Variants in BCOR observed in about 807,000 individuals in gnomAD.
BCOR encodes the protein BCL-6 corepressor.
A neutral mutation model predicts 86.7 loss-of-function variants in BCOR; 10 were observed. That is an observed-to-expected ratio of 0.12 (90% CI 0.07 to 0.20). BCOR has a LOEUF of 0.20. BCOR is among the 10% of genes least tolerant of loss of function. The pLI is 1.00. For synonymous variants in BCOR, 611 were observed against 609.0 expected, an observed-to-expected ratio of 1.00 and a Z score of -0.05; for missense variants, 1,259 against 1,452.1, an observed-to-expected ratio of 0.87 and a Z score of 2.16.
intron 1 of BCOR, among the ~76,000 whole-genome samples, chrX:40,089,643 C>G (rs1936510752): frequency 9.0e-6 from 1 of 111,508 alleles, no homozygotes; most frequent in South Asian, 3.8e-4. Flanking sequence ...CCTCCCCTTT[C>G]CCTTCCTCCA....
intron 1 of BCOR, among the ~76,000 whole-genome samples, chrX:40,132,179 A>G (rs937583248): frequency 8.9e-5 from 10 of 111,910 alleles, no homozygotes; most frequent in African/African-American, 3.3e-4. Flanking sequence ...TTGCTACAGG[A>G]GTGTGCCATC....
chrX:40,153,536 G>A, intron 1 of BCOR, among the ~76,000 whole-genome samples: 1 of 111,831 alleles, frequency 8.9e-6, no homozygotes, highest in South Asian at 3.7e-4. Context: ...GGAAGGGGAG[G>A]GCACCCAGAC....
chrX:40,064,314 G>T (rs766725549), intron 7 of BCOR, 22 bp downstream of exon 7: 1 of 1,211,998 alleles, frequency 8.3e-7, no homozygotes, highest in African/African-American at 1.7e-5. Flanking sequence ...CCCGGCAGGC[G>T]GGCGAAGCAG....
At chrX:40,175,648 T>C (rs1470428988) in intron 1 of BCOR, among the ~76,000 whole-genome samples, 1 of 112,344 alleles carries the variant, frequency 8.9e-6, no homozygotes, top group Non-Finnish European at 1.9e-5. Flanking sequence ...CGTCCTAGAC[T>C]CCGCGCAGCA....
rs2147238250 is a variant in BCOR, at chrX:40,073,708, G to T, written c.1638C>A (p.Arg546=). 8.2e-7 allele frequency: 1 copy of T among 1,212,681 alleles called. No individual in the cohort carries two copies. Among genetic ancestry groups the T allele is most frequent in the Non-Finnish European group, 1.1e-6 (1 of 895,706 alleles). ...IPQQRSSSCP[R]MGGTDAVITN... ...TGATGACAGCATCGGTGCCGCCCAT[G>T]CGCGGGCATGATGAACTCCGCTGCT... The change falls in exon 4 of 15, where the codon CGC becomes CGA. Residue 546 remains arginine, a synonymous_variant. Transcript: ENST00000378444.
At chrX:40,064,207 C>G in intron 7 of BCOR, 129 bp downstream of exon 7, 5 of 1,013,128 alleles carry the variant, frequency 4.9e-6, no homozygotes, top group Admixed American at 2.3e-5. Flanking sequence ...CTGCTGCGCC[C>G]CCACGGCTTC....
chrX:40,152,792 A>T (rs1481004475), intron 1 of BCOR, among the ~76,000 whole-genome samples: 1 of 112,751 alleles, frequency 8.9e-6, no homozygotes. Context: ...CAAGGGAAGC[A>T]TTAGGCGGCT....
chrX:40,121,081 A>G (rs768490792), intron 1 of BCOR, among the ~76,000 whole-genome samples: 15 of 111,053 alleles, frequency 1.4e-4, no homozygotes, highest in Non-Finnish European at 2.3e-4. Context: ...CAGATTGCAA[A>G]AGAGGAAGAA....
chrX:40,114,945 C>T (rs911425153), intron 1 of BCOR, among the ~76,000 whole-genome samples: 2 of 103,606 alleles, frequency 1.9e-5, no homozygotes, highest in African/African-American at 7.2e-5. Context: ...CTCCACCTCC[C>T]GGGTTCATGC....
intron 1 of BCOR, among the ~76,000 whole-genome samples, chrX:40,139,414 T>TAA (rs1222040681): frequency 6.7e-5 from 1 of 14,863 alleles, no homozygotes. Context: ...TATATATATA[T>TAA]AATATATATA....
chrX:40,145,806 G>A lies in BCOR; in HGVS notation c.-41+31201C>T, dbSNP rs138465534. 3.7e-3 allele frequency among the ~76,000 whole-genome samples: 410 copies of A among 111,857 alleles called. 2 individuals carry two copies. The highest frequency in any genetic ancestry group is 6.3e-3 in the Non-Finnish European group (334 of 53,023). The stretch of plus-strand genomic sequence containing the variant: ...ATCTGTGCGTTTCCCGCCCTCCCCT[G>A]TGCAGCAGCGAGAAGCGGACCCGGA... On this transcript the variant is annotated intron_variant, in intron 1 of 14. Transcript: ENST00000342274.
At chrX:40,147,944 T>C (rs2147980719) in intron 1 of BCOR, among the ~76,000 whole-genome samples, 1 of 111,810 alleles carries the variant, frequency 8.9e-6, no homozygotes, top group African/African-American at 3.3e-5. Context: ...GCCCCTCTGG[T>C]TTCCGCCCCC....
intron 1 of BCOR, among the ~76,000 whole-genome samples, chrX:40,122,212 T>C (rs1401996807): frequency 9.0e-6 from 1 of 111,295 alleles, no homozygotes; most frequent in African/African-American, 3.3e-5. Context: ...CAGGGGTACA[T>C]GCATCAGAGT....
At chrX:40,113,626 T>C (rs1245646941) in intron 1 of BCOR, among the ~76,000 whole-genome samples, 1 of 110,415 alleles carries the variant, frequency 9.1e-6, no homozygotes, top group Non-Finnish European at 1.9e-5. Flanking sequence ...TCCATAATGG[T>C]ACAGTGTATC....
rs201959477 is a variant in BCOR, at chrX:40,062,365, G to A, written c.4202C>T (p.Pro1401Leu). 5.5e-5 allele frequency: 66 copies of A among 1,203,068 alleles called. No individual in the cohort carries two copies. Among genetic ancestry groups the A allele is most frequent in the Admixed American group, 8.9e-5 (4 of 45,065 alleles). The change falls in exon 10 of 15, where the codon CCG becomes CTG. Residue 1401 changes from proline to leucine, a missense_variant. By Grantham distance (98) the Pro-to-Leu change is moderately conservative. This residue lies in a region of BCOR where 305 missense variants were observed against 286.1 expected (regional missense o/e 1.07). Transcript: ENST00000378444. ...CAGATCATAGTCCGAACTGGGCTCCGGCCGCTTTCTGAATCTCCGGACAGT... is the reference window on the plus strand; with the variant it reads ...CAGATCATAGTCCGAACTGGGCTCCAGCCGCTTTCTGAATCTCCGGACAGT... The part of the protein sequence containing the change: ...KVTVRRFRKR[P>L]EPSSDYDLSP...
At chrX:40,119,839 T>TA (rs1195182327) in intron 1 of BCOR, among the ~76,000 whole-genome samples, 11 of 107,013 alleles carry the variant, frequency 1.0e-4, no homozygotes, top group Non-Finnish European at 1.7e-4. Flanking sequence ...AAATAGAAAC[T>TA]AAAAAAAAAT....
At chrX:40,127,497 A>T (rs1937556785) in intron 1 of BCOR, among the ~76,000 whole-genome samples, 1 of 112,159 alleles carries the variant, frequency 8.9e-6, no homozygotes, top group Non-Finnish European at 1.9e-5. Context: ...TATGGTTTAG[A>T]GTGTTTTGTT....
At chrX:40,166,300 C>T (rs1027461132) in intron 1 of BCOR, among the ~76,000 whole-genome samples, 2 of 112,287 alleles carry the variant, frequency 1.8e-5, no homozygotes, top group African/African-American at 6.5e-5. Context: ...CAGCTCTGAC[C>T]TCTGAATTCG....
intron 1 of BCOR, among the ~76,000 whole-genome samples, chrX:40,082,056 G>C (rs993415610): frequency 8.9e-5 from 10 of 112,741 alleles, no homozygotes; most frequent in Admixed American, 3.7e-4. Context: ...GAGAGCACCT[G>C]AGCTTGGCCC....
Sources: gnomAD v4.1 joint callset for allele counts (sites outside exome capture counted in the v4.1 genomes callset) on GRCh38, gnomAD v4.1.1 for gene constraint, gnomAD v4.1.1 regional missense constraint, MANE v1.5 for transcripts, NCBI Gene and HGNC (gene_info 2026-07-23, HGNC 2026-07-21) for gene names.